SUPT3H: variants seen among roughly 807,000 people sequenced by gnomAD.
SUPT3H encodes SPT3 homolog, SAGA and STAGA complex component, also known as transcription initiation protein SPT3 homolog.
Under a neutral mutation model 44.3 loss-of-function variants are expected in SUPT3H, and 44 were observed. The observed-to-expected ratio is 0.99, with a 90% confidence interval of 0.78 to 1.28. SUPT3H has a LOEUF of 1.28. SUPT3H is among the 50% of genes most tolerant of loss of function. The pLI is 0.00. For missense variants in SUPT3H, 380 were observed against 387.1 expected (o/e 0.98, Z 0.15); for synonymous variants, 124 against 125.6 (o/e 0.99, Z 0.09).
At chr6:45,335,136 A>C (rs1788297419) in intron 2 of SUPT3H, among the ~76,000 whole-genome samples, 1 of 151,220 alleles carries the variant, frequency 6.6e-6, no homozygotes, top group Non-Finnish European at 1.5e-5. Context: ...TAAACAATTT[A>C]AGCATTGAAT....
chr6:45,214,009 GA>G (rs918164395), intron 2 of SUPT3H, among the ~76,000 whole-genome samples: 2 of 11,976 alleles, frequency 1.7e-4, no homozygotes, highest in African/African-American at 7.7e-4. Flanking sequence ...TTGAGATTTT[GA>G]AATGCAAAAA....
In SUPT3H at chr6:45,301,775, G is replaced by A. The variant is rs966922372; in HGVS notation, c.101+63426C>T. ...CCTAATGGGAATTTGAAAATAGTTTGTTGAATTAAGCTGTACTTTGTTTTA... is the reference window on the plus strand; with the variant it reads ...CCTAATGGGAATTTGAAAATAGTTTATTGAATTAAGCTGTACTTTGTTTTA... On this transcript the variant is annotated intron_variant, in intron 2 of 10. Transcript: ENST00000371459. Among the ~76,000 whole-genome samples, 79 of 152,280 alleles carry A rather than the reference G, an allele frequency of 5.2e-4. 1 individual carries two copies. The highest frequency in any genetic ancestry group is 1.7e-3 in the African/African-American group (71 of 41,540).
intron 2 of SUPT3H, among the ~76,000 whole-genome samples, chr6:45,294,733 CAAAAAAAAAAAA>C (rs56281990): frequency 2.2e-4 from 8 of 36,194 alleles, no homozygotes; most frequent in Admixed American, 5.3e-4. Context: ...ACAATAGCTG[CAAAAAAAAAAAA>C]AAAAAAAAAA....
intron 3 of SUPT3H, among the ~76,000 whole-genome samples, chr6:45,071,785 C>A (rs189589118): frequency 1.2e-4 from 19 of 152,264 alleles, no homozygotes; most frequent in Admixed American, 1.1e-3. Flanking sequence ...TTACTAAAGA[C>A]CTGTTTCAGC....
chr6:45,372,183 A>G (rs1315245045), intron 1 of SUPT3H: 4 of 221,376 alleles, frequency 1.8e-5, no homozygotes, highest in African/African-American at 2.3e-5. Context: ...ACACTTACAC[A>G]TGACCTTGGG....
At chr6:44,886,438 C>T (rs936904632) in intron 10 of SUPT3H, among the ~76,000 whole-genome samples, 4 of 152,280 alleles carry the variant, frequency 2.6e-5, no homozygotes, top group East Asian at 1.9e-4. Flanking sequence ...ACTCCACAAG[C>T]CAGAAGAGAG....
intron 2 of SUPT3H, among the ~76,000 whole-genome samples, chr6:45,128,575 CACACACACAT>C (rs1468623756): frequency 1.6e-5 from 2 of 125,160 alleles, no homozygotes; most frequent in African/African-American, 3.1e-5. Context: ...CACACACACA[CACACACACAT>C]ACACATATAT....
chr6:44,916,854 C>T (rs770549774), intron 10 of SUPT3H, among the ~76,000 whole-genome samples: 1 of 152,066 alleles, frequency 6.6e-6, no homozygotes, highest in Non-Finnish European at 1.5e-5. Flanking sequence ...AATTTGGGGG[C>T]TAGGCACAGA....
intron 11 of SUPT3H, among the ~76,000 whole-genome samples, chr6:44,813,339 C>A (rs912437406): frequency 4.6e-5 from 7 of 152,064 alleles, no homozygotes; most frequent in Admixed American, 4.6e-4. Flanking sequence ...CAGGCACATG[C>A]CACCACGCCC....
chr6:44,985,910 C>G (rs1283378161), intron 6 of SUPT3H, among the ~76,000 whole-genome samples: 2 of 152,084 alleles, frequency 1.3e-5, no homozygotes, highest in East Asian at 3.9e-4. Flanking sequence ...ACTGAGTGTC[C>G]TTGGCCCTTC....
chr6:45,156,616 G>A (rs1205030159), intron 2 of SUPT3H, among the ~76,000 whole-genome samples: 1 of 151,338 alleles, frequency 6.6e-6, no homozygotes, highest in East Asian at 1.9e-4. Flanking sequence ...TTATAAAAAT[G>A]TTAAATCAGT....
At chr6:45,000,965 T>A (rs1028609190) in intron 6 of SUPT3H, among the ~76,000 whole-genome samples, 1 of 152,092 alleles carries the variant, frequency 6.6e-6, no homozygotes, top group Non-Finnish European at 1.5e-5. Context: ...TACTTGATTA[T>A]TGACAAACTT....
intron 2 of SUPT3H, among the ~76,000 whole-genome samples, chr6:45,180,362 A>C (rs1812905604): frequency 6.6e-6 from 1 of 150,410 alleles, no homozygotes; most frequent in Admixed American, 6.6e-5. Flanking sequence ...AATTGGAAAA[A>C]ACTACTTTAA....
intron 3 of SUPT3H, among the ~76,000 whole-genome samples, chr6:45,068,708 C>G (rs1404401930): frequency 1.3e-5 from 2 of 152,120 alleles, no homozygotes; most frequent in Non-Finnish European, 2.9e-5. Context: ...GTTACTGTCA[C>G]TGTGTAGATC....
chr6:45,342,807 A>G (rs1790081268), intron 2 of SUPT3H, among the ~76,000 whole-genome samples: 1 of 152,188 alleles, frequency 6.6e-6, no homozygotes, highest in Non-Finnish European at 1.5e-5. Flanking sequence ...CAATGTTTTT[A>G]ATTTTTCATG....
chr6:44,883,194 G>T (rs1054108712), intron 10 of SUPT3H, among the ~76,000 whole-genome samples: 1 of 152,144 alleles, frequency 6.6e-6, no homozygotes, highest in Non-Finnish European at 1.5e-5. Flanking sequence ...AAAGTCTCAG[G>T]ATGCAAAATC....
At position 44,934,289 on chromosome 6, in the gene SUPT3H, G is replaced by A. The variant is rs148505784; in HGVS notation, c.802-1526C>T. 1.4e-4 allele frequency among the ~76,000 whole-genome samples: 21 copies of A among 152,174 alleles called. No individual in the cohort carries two copies. The East Asian group carries it at 2.5e-3, about 18-fold the overall frequency. ...TTCACCTGTAAGAATTTATCCTACA[G>A]ATATATTGCACAGGTACAAAATAAT... On this transcript the variant is annotated intron_variant, in intron 9 of 10. Coordinates refer to ENST00000371459, the MANE Select transcript of SUPT3H (RefSeq NM_003599.4).
At chr6:45,375,254 A>G (rs1412871956) in intron 1 of SUPT3H, among the ~76,000 whole-genome samples, 2 of 152,210 alleles carry the variant, frequency 1.3e-5, no homozygotes, top group Non-Finnish European at 2.9e-5. Context: ...TAATCATCCT[A>G]AAACTATATA....
intron 2 of SUPT3H, among the ~76,000 whole-genome samples, chr6:45,291,717 C>G (rs934749095): frequency 2.0e-5 from 3 of 152,132 alleles, no homozygotes; most frequent in Non-Finnish European, 1.5e-5. Flanking sequence ...ACAAGGTCTT[C>G]TAATTCACAA....
Sources: gnomAD v4.1 joint callset for allele counts (sites outside exome capture counted in the v4.1 genomes callset) on GRCh38, gnomAD v4.1.1 for gene constraint, MANE v1.5 for transcripts, NCBI Gene and HGNC (gene_info 2026-07-23, HGNC 2026-07-21) for gene names.